Variants in LRRTM4 observed in about 807,000 individuals in gnomAD.
The protein encoded by LRRTM4 is leucine-rich repeat transmembrane neuronal protein 4.
Under a neutral mutation model 47.6 loss-of-function variants are expected in LRRTM4, and 25 were observed. The ratio of observed to expected loss-of-function variants is 0.53; its 90% CI spans 0.38 to 0.73. The LOEUF (loss-of-function observed/expected upper bound fraction) is 0.73, where lower values mean the gene tolerates loss of function less well. Among genes scored for constraint, LRRTM4 ranks in the 30% least tolerant of loss-of-function variants. The pLI is 0.00. For missense variants in LRRTM4, 638 were observed against 713.4 expected (o/e 0.89, Z 1.20); for synonymous variants, 311 against 269.5 (o/e 1.15, Z -1.51).
chr2:77,503,044 GTT>G (rs796437888), intron 3 of LRRTM4, among the ~76,000 whole-genome samples: 1 of 142,572 alleles, frequency 7.0e-6, no homozygotes, highest in Admixed American at 7.1e-5. Flanking sequence ...GTCATTCAGG[GTT>G]TTTTTTTTTT....
At chr2:77,092,158 C>T (rs1438304222) in intron 3 of LRRTM4, among the ~76,000 whole-genome samples, 4 of 152,068 alleles carry the variant, frequency 2.6e-5, no homozygotes, top group East Asian at 1.9e-4. Flanking sequence ...TTCTGCTTCC[C>T]GGCTCCTTCA....
chr2:76,994,468 C>T (rs921945589), intron 3 of LRRTM4, among the ~76,000 whole-genome samples: 4 of 151,762 alleles, frequency 2.6e-5, no homozygotes, highest in Non-Finnish European at 5.9e-5. Context: ...TGTAAATCAG[C>T]GTGAAGCTTT....
intron 3 of LRRTM4, among the ~76,000 whole-genome samples, chr2:77,502,752 C>A (rs1678620424): frequency 6.6e-6 from 1 of 151,516 alleles, no homozygotes; most frequent in African/African-American, 2.4e-5. Context: ...AAATTGGGTA[C>A]ATCTCATGTA....
At chr2:77,139,321 T>A (rs560964467) in intron 3 of LRRTM4, among the ~76,000 whole-genome samples, 2 of 151,996 alleles carry the variant, frequency 1.3e-5, no homozygotes, top group African/African-American at 4.8e-5. Context: ...TGGTTCAACA[T>A]ACGAAAATCA....
intron 3 of LRRTM4, among the ~76,000 whole-genome samples, chr2:77,242,373 G>A (rs1675291801): frequency 6.6e-6 from 1 of 152,050 alleles, no homozygotes; most frequent in South Asian, 2.1e-4. Context: ...TCAACAGAGT[G>A]AAAATGCAAC....
At chr2:77,502,044 A>G (rs1558772910) in intron 3 of LRRTM4, among the ~76,000 whole-genome samples, 1 of 151,434 alleles carries the variant, frequency 6.6e-6, no homozygotes, top group Non-Finnish European at 1.5e-5. Context: ...TTATTGTCCT[A>G]AATTTGCTTA....
intron 3 of LRRTM4, among the ~76,000 whole-genome samples, chr2:77,232,552 A>C (rs1674994181): frequency 6.6e-6 from 1 of 152,210 alleles, no homozygotes; most frequent in East Asian, 1.9e-4. Flanking sequence ...CAGGCACCTA[A>C]GTCTGAATGT....
chr2:77,250,429 T>C (rs1675572047), intron 3 of LRRTM4, among the ~76,000 whole-genome samples: 1 of 152,088 alleles, frequency 6.6e-6, no homozygotes, highest in Admixed American at 6.6e-5. Flanking sequence ...ATATGGGAAA[T>C]CTCTGTAACT....
At chr2:77,467,887 A>G (rs561309678) in intron 3 of LRRTM4, among the ~76,000 whole-genome samples, 1 of 152,310 alleles carries the variant, frequency 6.6e-6, no homozygotes, top group South Asian at 2.1e-4. Flanking sequence ...TTTTTAAAAA[A>G]TATCAAAGGT....
intron 3 of LRRTM4, among the ~76,000 whole-genome samples, chr2:77,027,090 C>G (rs929335627): frequency 6.6e-6 from 1 of 151,980 alleles, no homozygotes; most frequent in African/African-American, 2.4e-5. Context: ...GCCCACAACC[C>G]ACACCTCCCC....
At chr2:76,754,325 T>C (rs1183168425) in intron 3 of LRRTM4, among the ~76,000 whole-genome samples, 1 of 152,146 alleles carries the variant, frequency 6.6e-6, no homozygotes, top group South Asian at 2.1e-4. Flanking sequence ...GGGTACTGGT[T>C]TTTTTCAAGA....
rs143420891 is a variant in LRRTM4 at position 77,452,088 on chromosome 2, A to G, written c.1551+66230T>C. Among the ~76,000 whole-genome samples the G allele has an allele frequency of 3.9e-5, 6 of 152,264 alleles. No individual in the cohort carries two copies. In the East Asian group the frequency reaches 5.8e-4, roughly 15 times the overall value. On this transcript the variant is annotated intron_variant, in intron 3 of 3. Transcript: ENST00000409884. ...TTATAGACCACTGAGAGGAGTTCAGATTTCACATTAAATGCAATGGAAAGC... is the reference window on the plus strand; with the variant it reads ...TTATAGACCACTGAGAGGAGTTCAGGTTTCACATTAAATGCAATGGAAAGC...
intron 3 of LRRTM4, among the ~76,000 whole-genome samples, chr2:77,416,462 A>G (rs1049183007): frequency 1.3e-5 from 2 of 152,150 alleles, no homozygotes; most frequent in African/African-American, 4.8e-5. Context: ...AAGAGGTTTT[A>G]TTTCATGCTT....
chr2:77,482,197 GA>G (rs34977870), intron 3 of LRRTM4, among the ~76,000 whole-genome samples: 31,913 of 152,066 alleles, frequency 0.21, 3,691 homozygotes, highest in Middle Eastern at 0.3. Flanking sequence ...TCACTAATTT[GA>G]AGTTGCTGGT....
intron 3 of LRRTM4, among the ~76,000 whole-genome samples, chr2:77,073,473 A>C (rs748809382): frequency 4.6e-5 from 7 of 151,892 alleles, no homozygotes; most frequent in Admixed American, 6.6e-5. Context: ...CCTTTCCATT[A>C]TTTGTTTTTT....
intron 3 of LRRTM4, among the ~76,000 whole-genome samples, chr2:77,398,579 T>C (rs1004680757): frequency 1.3e-5 from 2 of 151,892 alleles, no homozygotes; most frequent in Non-Finnish European, 2.9e-5. Context: ...TATATCAGAA[T>C]TGGAAATAAT....
chr2:76,893,906 G>T (rs1244297593), intron 3 of LRRTM4, among the ~76,000 whole-genome samples: 8 of 151,830 alleles, frequency 5.3e-5, no homozygotes. Flanking sequence ...AACATCAGGA[G>T]AAAGTCACTT....
chr2:76,887,257 C>G (rs1362439067), intron 3 of LRRTM4, among the ~76,000 whole-genome samples: 1 of 151,534 alleles, frequency 6.6e-6, no homozygotes, highest in Non-Finnish European at 1.5e-5. Flanking sequence ...AAAGTAGATT[C>G]AAGAGGGTAT....
intron 3 of LRRTM4, among the ~76,000 whole-genome samples, chr2:77,479,522 C>T (rs185260282): frequency 1.3e-5 from 2 of 152,240 alleles, no homozygotes; most frequent in East Asian, 3.9e-4. Context: ...TCTCCAGACT[C>T]CTAAACAAAG....
Sources: allele counts gnomAD v4.1 joint callset (sites outside exome capture counted in the v4.1 genomes callset), GRCh38; gene constraint gnomAD v4.1.1; transcripts MANE v1.5; gene names NCBI Gene and HGNC (gene_info 2026-07-23, HGNC 2026-07-21).